The following XYLT1 variants were observed in gnomAD, a reference collection of about 807,000 sequenced individuals.
The protein encoded by XYLT1 is xylosyltransferase 1.
XYLT1 carries 36 observed loss-of-function variants against 91.3 expected under a neutral mutation model. That is an observed-to-expected ratio of 0.39 (90% CI 0.30 to 0.52). The LOEUF is 0.52. Ranked by LOEUF, XYLT1 falls within the 20% of genes least tolerant of loss-of-function variation. XYLT1 has a pLI of 0.68. For missense variants in XYLT1, 1,242 were observed against 1,284.5 expected, an observed-to-expected ratio of 0.97 and a Z score of 0.51; for synonymous variants, 588 against 532.0, an observed-to-expected ratio of 1.11 and a Z score of -1.45.
chr16:17,355,915 T>G (rs562481883), intron 2 of XYLT1, among the ~76,000 whole-genome samples: 2 of 152,118 alleles, frequency 1.3e-5, no homozygotes, highest in African/African-American at 2.4e-5. Context: ...GGTTTCACCA[T>G]GTTGGCCAGG....
chr16:17,275,018 A>G (rs1254359164), intron 2 of XYLT1, among the ~76,000 whole-genome samples: 2 of 152,064 alleles, frequency 1.3e-5, no homozygotes, highest in African/African-American at 4.8e-5. Flanking sequence ...CTCTACTGAA[A>G]ATACAAAAAT....
At chr16:17,400,193 A>C (rs1314672243) in intron 1 of XYLT1, among the ~76,000 whole-genome samples, 2 of 152,218 alleles carry the variant, frequency 1.3e-5, no homozygotes, top group African/African-American at 4.8e-5. Context: ...CAAGCATTCA[A>C]TCAACAAACA....
chr16:17,337,290 CCAGCCTCCCACTT>C (rs1160837979), intron 2 of XYLT1, among the ~76,000 whole-genome samples: 1 of 152,018 alleles, frequency 6.6e-6, no homozygotes, highest in African/African-American at 2.4e-5. Context: ...TGGGTTCAAG[CCAGCCTCCCACTT>C]CAGCCTCCCA....
At chr16:17,166,352 C>G (rs1405113512) in intron 5 of XYLT1, among the ~76,000 whole-genome samples, 1 of 152,120 alleles carries the variant, frequency 6.6e-6, no homozygotes, top group East Asian at 1.9e-4. Context: ...GAGTCCAATT[C>G]CCATCTGTTC....
intron 5 of XYLT1, among the ~76,000 whole-genome samples, chr16:17,167,189 T>C (rs1597164279): frequency 6.6e-6 from 1 of 152,204 alleles, no homozygotes; most frequent in African/African-American, 2.4e-5. Context: ...CCGTGGTGAA[T>C]AAGCTTCAGG....
Position 17,214,949 on chromosome 16 carries a change from C to A in XYLT1, c.914-14295G>T, listed in dbSNP as rs905072803. 1.3e-5 allele frequency among the ~76,000 whole-genome samples: 2 copies of A among 152,152 alleles called. 1 individual carries two copies. The highest frequency in any genetic ancestry group is 4.1e-4 in the South Asian group (2 of 4,824). ...GATGCTGAGGTATCCTTTCCTTTTC[C>A]AAAGACAGGATTTGCTAGGACTGAA... On this transcript the variant is annotated intron_variant, in intron 3 of 11. Transcript: ENST00000261381.
chr16:17,116,071 TTA>T (rs904452864), intron 11 of XYLT1, among the ~76,000 whole-genome samples: 4 of 152,016 alleles, frequency 2.6e-5, no homozygotes, highest in African/African-American at 9.7e-5. Flanking sequence ...ATGGTGTGTA[TTA>T]TGTTTATGCT....
At position 17,108,821 on chromosome 16, in the gene XYLT1, G is replaced by A; in HGVS notation, c.2754C>T (p.Asp918=). The A allele has an allele frequency of 6.2e-7, 1 of 1,612,718 alleles. No individual in the cohort carries two copies. Among genetic ancestry groups the A allele is most frequent in the Non-Finnish European group, 8.5e-7 (1 of 1,179,962 alleles). ...AGGCTGTGGGGCCCGTGGCACAGAT[G>A]TCCATGGCAGTCCACATCCCGCCCA... ...SLVGGMWTAM[D]ICATGPTACP... is the part of the protein sequence containing the mutation. Residue 918 remains aspartate, a synonymous_variant, in exon 12 of 12, where the codon GAC becomes GAT. Transcript: ENST00000261381.
intron 6 of XYLT1, 81 bp from the exon 7 acceptor site, chr16:17,141,450 A>C: frequency 2.2e-5 from 29 of 1,339,976 alleles, no homozygotes; most frequent in South Asian, 2.6e-5. Context: ...AAACAACACA[A>C]TCATAGCGAT....
chr16:17,296,180 G>A (rs2034306691), intron 2 of XYLT1, among the ~76,000 whole-genome samples: 2 of 151,940 alleles, frequency 1.3e-5, no homozygotes, highest in South Asian at 2.1e-4. Context: ...GGAAAGCTGC[G>A]GTAACATGGA....
At chr16:17,450,324 C>T (rs911224228) in intron 1 of XYLT1, among the ~76,000 whole-genome samples, 2 of 151,128 alleles carry the variant, frequency 1.3e-5, no homozygotes, top group Non-Finnish European at 2.9e-5. Context: ...GGCAACAGAG[C>T]GAGACTCCGT....
intron 1 of XYLT1, among the ~76,000 whole-genome samples, chr16:17,399,027 T>C (rs2035929427): frequency 6.6e-6 from 1 of 151,896 alleles, no homozygotes; most frequent in African/African-American, 2.4e-5. Context: ...ATGCCCCCTT[T>C]TTATAAGGAC....
At chr16:17,207,737 G>A (rs1418269214) in intron 3 of XYLT1, among the ~76,000 whole-genome samples, 2 of 152,160 alleles carry the variant, frequency 1.3e-5, no homozygotes, top group Non-Finnish European at 2.9e-5. Context: ...AGACTGCTCT[G>A]CACCGCAGCT....
At chr16:17,302,093 T>C (rs1199355898) in intron 2 of XYLT1, among the ~76,000 whole-genome samples, 3 of 152,088 alleles carry the variant, frequency 2.0e-5, no homozygotes, top group Non-Finnish European at 4.4e-5. Context: ...ACACCCTAGC[T>C]ACTCAGGAGG....
At chr16:17,196,711 C>T (rs1314527413) in intron 5 of XYLT1, among the ~76,000 whole-genome samples, 3 of 152,144 alleles carry the variant, frequency 2.0e-5, no homozygotes, top group Admixed American at 1.3e-4. Flanking sequence ...CATCCACTTT[C>T]CTTTTCACCC....
intron 1 of XYLT1, among the ~76,000 whole-genome samples, chr16:17,360,578 C>T (rs895566048): frequency 6.6e-6 from 1 of 152,196 alleles, no homozygotes; most frequent in Non-Finnish European, 1.5e-5. Flanking sequence ...ACTTGGGTTT[C>T]ACTTGCCAGC....
intron 5 of XYLT1, among the ~76,000 whole-genome samples, chr16:17,164,447 GC>G: frequency 1.3e-5 from 2 of 152,034 alleles, no homozygotes; most frequent in South Asian, 4.1e-4. Context: ...ACATTGTTGT[GC>G]AACCATCACC....
chr16:17,134,871 G>C, intron 8 of XYLT1, 136 bp from the exon 9 acceptor site: 1 of 1,012,578 alleles, frequency 9.9e-7, no homozygotes, highest in South Asian at 1.6e-5. Context: ...TTGCACCTCT[G>C]TGTTCTCAGT....
At chr16:17,178,461 A>C (rs1292201752) in intron 5 of XYLT1, among the ~76,000 whole-genome samples, 4 of 152,140 alleles carry the variant, frequency 2.6e-5, no homozygotes, top group Non-Finnish European at 5.9e-5. Context: ...GGTTGACAGA[A>C]TCATCTAAGA....
Sources: allele counts gnomAD v4.1 joint callset (sites outside exome capture counted in the v4.1 genomes callset), GRCh38; gene constraint gnomAD v4.1.1; transcripts MANE v1.5; gene names NCBI Gene and HGNC (gene_info 2026-07-23, HGNC 2026-07-21).